The following TMTC1 variants were observed in gnomAD, a reference collection of about 807,000 sequenced individuals.
The protein encoded by TMTC1 is protein O-mannosyl-transferase TMTC1.
TMTC1 carries 73 observed loss-of-function variants against 104.8 expected under a neutral mutation model. The observed-to-expected ratio is 0.70, with a 90% CI of 0.58 to 0.85. The LOEUF is 0.85. TMTC1 is among the 40% of genes least tolerant of loss of function. The pLI is 0.00. For missense variants in TMTC1, 1,035 were observed against 1,096.1 expected (o/e 0.94, Z 0.79); for synonymous variants, 434 against 428.7 (o/e 1.01, Z -0.15).
At chr12:29,601,703 G>A (rs74918548) in intron 7 of TMTC1, among the ~76,000 whole-genome samples, 7,164 of 152,106 alleles carry the variant, frequency 0.047, 574 homozygotes, top group African/African-American at 0.16. Context: ...ACCTCTCAGA[G>A]CCCAGGTTTT....
At chr12:29,516,607 C>A in intron 14 of TMTC1, 121 bp from the exon 15 acceptor site, 1 of 1,206,602 alleles carries the variant, frequency 8.3e-7, no homozygotes, top group Admixed American at 2.9e-5. Flanking sequence ...AATTTAGTGA[C>A]TCATAGAGAA....
chr12:29,783,989 C>A (rs188294017), upstream of TMTC1: 1,337 of 189,492 alleles, frequency 7.1e-3, 13 homozygotes, highest in Middle Eastern at 0.025. The surrounding 1 kb of genome is among the most constrained non-coding windows in gnomAD (Gnocchi z 4.7). Flanking sequence ...CTCCGCCCCA[C>A]TGCGCATGCC....
chr12:29,780,490 G>A (rs1008130459), intron 1 of TMTC1, among the ~76,000 whole-genome samples: 1 of 152,196 alleles, frequency 6.6e-6, no homozygotes, highest in East Asian at 1.9e-4. Flanking sequence ...ATTTGGGTGA[G>A]GGGATTATGG....
At chr12:29,713,488 G>GA (rs1941994656) in intron 5 of TMTC1, among the ~76,000 whole-genome samples, 1 of 151,886 alleles carries the variant, frequency 6.6e-6, no homozygotes, top group African/African-American at 2.4e-5. Context: ...CTGACCATTT[G>GA]AAAAATATGA....
chr12:29,721,617 T>A (rs1013635431), intron 5 of TMTC1, among the ~76,000 whole-genome samples: 1 of 151,982 alleles, frequency 6.6e-6, no homozygotes, highest in Non-Finnish European at 1.5e-5. Flanking sequence ...TTTAACACAC[T>A]CCTTTCAGCA....
intron 14 of TMTC1, 128 bp downstream of exon 14, chr12:29,517,299 T>A (rs748265036): frequency 1.0e-6 from 1 of 983,952 alleles, no homozygotes; most frequent in Admixed American, 2.6e-5. Context: ...TAACATTAGC[T>A]GTATGAATAT....
At chr12:29,527,980 T>C (rs948187794) in intron 11 of TMTC1, among the ~76,000 whole-genome samples, 1 of 152,166 alleles carries the variant, frequency 6.6e-6, no homozygotes, top group African/African-American at 2.4e-5. Flanking sequence ...TGAAAAGGTC[T>C]TTAAGATCTG....
intron 2 of TMTC1, among the ~76,000 whole-genome samples, chr12:29,767,453 T>C (rs1424036338): frequency 1.3e-5 from 2 of 152,132 alleles, no homozygotes; most frequent in East Asian, 1.9e-4. Context: ...AAAGATAAAA[T>C]ACAAATGTGG....
intron 5 of TMTC1, among the ~76,000 whole-genome samples, chr12:29,711,983 G>A (rs958641654): frequency 2.3e-5 from 3 of 130,288 alleles, no homozygotes; most frequent in African/African-American, 8.8e-5. Context: ...CTCCAGCCTG[G>A]GAGACAGAGC....
intron 5 of TMTC1, among the ~76,000 whole-genome samples, chr12:29,696,668 G>A (rs1941433578): frequency 6.6e-6 from 1 of 152,076 alleles, no homozygotes; most frequent in Non-Finnish European, 1.5e-5. Context: ...TAAAGTTTAA[G>A]GAATTAATAT....
At chr12:29,709,991 G>A (rs1267902047) in intron 5 of TMTC1, among the ~76,000 whole-genome samples, 1 of 152,102 alleles carries the variant, frequency 6.6e-6, no homozygotes, top group Non-Finnish European at 1.5e-5. Flanking sequence ...GCACATGGGA[G>A]GCAAACACCT....
chr12:29,761,230 T>C (rs1943341724), intron 2 of TMTC1, among the ~76,000 whole-genome samples: 1 of 150,970 alleles, frequency 6.6e-6, no homozygotes, highest in Non-Finnish European at 1.5e-5. Context: ...AGGAGACTAA[T>C]GAAAACTGAA....
rs375370378 is a variant in TMTC1 at position 29,577,141 on chromosome 12, C to T, written c.1419-4923G>A. ...TTGTATGTTTTTAAATGTACAGATG[C>T]TAATTTTTTTTCTTTTTTAGCATAT... On this transcript the variant is annotated intron_variant, in intron 8 of 17. Transcript: ENST00000539277. Among the ~76,000 whole-genome samples, 29 of 152,178 alleles carry T rather than the reference C, an allele frequency of 1.9e-4. 1 individual carries two copies. Among genetic ancestry groups the T allele is most frequent in the African/African-American group, 5.3e-4 (22 of 41,516 alleles).
chr12:29,603,577 G>T, intron 7 of TMTC1, among the ~76,000 whole-genome samples: 1 of 152,068 alleles, frequency 6.6e-6, no homozygotes. Flanking sequence ...CATCTGAAAA[G>T]AAAAGTGGCC....
At chr12:29,709,937 C>T (rs1252870617) in intron 5 of TMTC1, among the ~76,000 whole-genome samples, 1 of 152,102 alleles carries the variant, frequency 6.6e-6, no homozygotes, top group African/African-American at 2.4e-5. Flanking sequence ...GAACATGAGT[C>T]TCACCATCAT....
chr12:29,713,851 A>G (rs1239849610), intron 5 of TMTC1, among the ~76,000 whole-genome samples: 3 of 152,132 alleles, frequency 2.0e-5, no homozygotes, highest in African/African-American at 7.2e-5. Context: ...ATAATTTCCA[A>G]TGCCACCGTG....
chr12:29,750,536 GATGA>G (rs1365355393), intron 5 of TMTC1, among the ~76,000 whole-genome samples: 1 of 152,130 alleles, frequency 6.6e-6, no homozygotes, highest in Non-Finnish European at 1.5e-5. Flanking sequence ...GATATTTATT[GATGA>G]ATGAACAAAA....
At chr12:29,688,566 C>A (rs1941168964) in intron 5 of TMTC1, among the ~76,000 whole-genome samples, 1 of 152,202 alleles carries the variant, frequency 6.6e-6, no homozygotes, top group South Asian at 2.1e-4. Flanking sequence ...TATCCATATC[C>A]CTGCCCACGC....
intron 5 of TMTC1, among the ~76,000 whole-genome samples, chr12:29,739,566 G>A (rs992663639): frequency 6.6e-6 from 1 of 152,058 alleles, no homozygotes; most frequent in African/African-American, 2.4e-5. Context: ...GCTAATCCAT[G>A]CTGGGCCAAC....
Sources: allele counts gnomAD v4.1 joint callset (sites outside exome capture counted in the v4.1 genomes callset), GRCh38; gene constraint gnomAD v4.1.1; non-coding constraint Gnocchi (gnomAD v3.1); transcripts MANE v1.5; gene names NCBI Gene and HGNC (gene_info 2026-07-23, HGNC 2026-07-21).